Variants in VAT1L observed in about 807,000 individuals in gnomAD.
VAT1L encodes the protein putative NADPH-dependent quinone oxidoreductase VAT1L.
In VAT1L, 34 loss-of-function variants were observed where a neutral mutation model predicts 44.1. The ratio of observed to expected loss-of-function variants is 0.77; its 90% CI spans 0.59 to 1.03. The LOEUF is 1.03. Ranked by LOEUF, VAT1L falls within the 50% of genes least tolerant of loss-of-function variation. The pLI is 0.00. For missense variants in VAT1L, 615 were observed against 538.8 expected (o/e 1.14, Z -1.40); for synonymous variants, 253 against 202.2 (o/e 1.25, Z -2.13).
At chr16:77,874,972 C>T (rs1294247611) in intron 4 of VAT1L, among the ~76,000 whole-genome samples, 1 of 152,030 alleles carries the variant, frequency 6.6e-6, no homozygotes. Context: ...AAATCCCCAC[C>T]ACAGACCTAC....
chr16:77,845,698 C>G (rs1443865510), intron 3 of VAT1L, among the ~76,000 whole-genome samples: 4 of 151,694 alleles, frequency 2.6e-5, no homozygotes, highest in Non-Finnish European at 5.9e-5. Flanking sequence ...CCATGTAATT[C>G]TGCACTGTCC....
At chr16:77,811,291 T>G (rs1024354487) in intron 1 of VAT1L, among the ~76,000 whole-genome samples, 3 of 152,226 alleles carry the variant, frequency 2.0e-5, no homozygotes, top group South Asian at 2.1e-4. Context: ...AACTCCTTCT[T>G]TTGAGTCACT....
At chr16:77,972,180 T>C (rs1438556651) in intron 8 of VAT1L, among the ~76,000 whole-genome samples, 1 of 152,148 alleles carries the variant, frequency 6.6e-6, no homozygotes, top group African/African-American at 2.4e-5. Context: ...CAGGAAAGCA[T>C]AGCAACAACA....
chr16:77,824,513 T>C (rs1198657795), intron 2 of VAT1L, among the ~76,000 whole-genome samples: 2 of 152,082 alleles, frequency 1.3e-5, no homozygotes, highest in Non-Finnish European at 2.9e-5. Context: ...CCCAGCACTT[T>C]GGGAGGTCGA....
At chr16:77,948,540 A>T (rs444035) in intron 7 of VAT1L, among the ~76,000 whole-genome samples, 41,047 of 151,932 alleles carry the variant, frequency 0.27, 6,006 homozygotes, top group Middle Eastern at 0.38. Flanking sequence ...TTTTTGGAAA[A>T]TTTCAAACAT....
At chr16:77,976,733 T>C (rs1029696081) in intron 8 of VAT1L, among the ~76,000 whole-genome samples, 1 of 152,204 alleles carries the variant, frequency 6.6e-6, no homozygotes, top group Non-Finnish European at 1.5e-5. Context: ...TTTCACCTGG[T>C]TCTTAAAACA....
chr16:77,962,254 G>A (rs1049993310), intron 7 of VAT1L, among the ~76,000 whole-genome samples: 2 of 152,088 alleles, frequency 1.3e-5, no homozygotes, highest in Non-Finnish European at 2.9e-5. Flanking sequence ...CCCATGTAGT[G>A]GGAAAAAGTC....
At chr16:77,892,710 T>C in intron 7 of VAT1L, 1 of 736,066 alleles carries the variant, frequency 1.4e-6, no homozygotes, top group Middle Eastern at 2.5e-4. Context: ...GGTCCTGGCA[T>C]CTGTTCCATG....
At chr16:77,837,233 G>C (rs963233141) in intron 3 of VAT1L, among the ~76,000 whole-genome samples, 1 of 152,178 alleles carries the variant, frequency 6.6e-6, no homozygotes, top group Non-Finnish European at 1.5e-5. Flanking sequence ...CCCAGGAGCT[G>C]AGGAAGAGGG....
intron 3 of VAT1L, among the ~76,000 whole-genome samples, chr16:77,859,006 A>T (rs539629365): frequency 6.3e-4 from 96 of 152,158 alleles, no homozygotes; most frequent in Middle Eastern, 6.8e-3. Context: ...ATGGTGGCAC[A>T]TGCCTGTAAT....
intron 7 of VAT1L, among the ~76,000 whole-genome samples, chr16:77,922,532 T>TGGGCA (rs2017623054): frequency 6.6e-6 from 1 of 152,162 alleles, no homozygotes; most frequent in Non-Finnish European, 1.5e-5. Context: ...TGTCAGCGGC[T>TGGGCA]TGTCACAGCT....
At chr16:77,943,228 TG>T (rs2017912515) in intron 7 of VAT1L, among the ~76,000 whole-genome samples, 4 of 149,894 alleles carry the variant, frequency 2.7e-5, no homozygotes, top group Admixed American at 2.7e-4. Context: ...AGCTAATTTT[TG>T]TATTTTTAGT....
chr16:77,940,151 G>T (rs1287815653), intron 7 of VAT1L, among the ~76,000 whole-genome samples: 1 of 152,082 alleles, frequency 6.6e-6, no homozygotes, highest in African/African-American at 2.4e-5. Flanking sequence ...GCTAGTGAAT[G>T]TTTTAACAAG....
At chr16:77,816,291 T>C (rs1567475029) in intron 1 of VAT1L, among the ~76,000 whole-genome samples, 1 of 152,198 alleles carries the variant, frequency 6.6e-6, no homozygotes, top group Admixed American at 6.5e-5. Flanking sequence ...CCCATATCTA[T>C]TGGGGCATTC....
At chr16:77,945,390 G>C (rs2017948911) in intron 7 of VAT1L, among the ~76,000 whole-genome samples, 1 of 147,462 alleles carries the variant, frequency 6.8e-6, no homozygotes, top group Non-Finnish European at 1.5e-5. Context: ...AGGCTCAAGT[G>C]ATCTTACCAC....
chr16:77,866,902 C>T (rs749027995), intron 4 of VAT1L, among the ~76,000 whole-genome samples: 8 of 152,108 alleles, frequency 5.3e-5, no homozygotes, highest in South Asian at 4.1e-4. Context: ...AGAGAGAGCA[C>T]GTCAAGATGG....
At chr16:77,857,621 GTGT>G (rs1179638134) in intron 3 of VAT1L, among the ~76,000 whole-genome samples, 1 of 150,376 alleles carries the variant, frequency 6.6e-6, no homozygotes, top group Admixed American at 6.7e-5. Flanking sequence ...AATCTTAATT[GTGT>G]TATTAGTAAT....
chr16:77,844,543 G>C (rs1031713569), intron 3 of VAT1L, among the ~76,000 whole-genome samples: 3 of 152,078 alleles, frequency 2.0e-5, no homozygotes, highest in Non-Finnish European at 4.4e-5. Context: ...CAAGTAGGTG[G>C]GACTACAGGT....
intron 1 of VAT1L, among the ~76,000 whole-genome samples, chr16:77,795,483 T>G (rs1433465260): frequency 6.6e-6 from 1 of 152,194 alleles, no homozygotes; most frequent in African/African-American, 2.4e-5. Context: ...ACTGTTGTCA[T>G]ACTTCTGATG....
Sources: allele counts gnomAD v4.1 joint callset (sites outside exome capture counted in the v4.1 genomes callset), GRCh38; gene constraint gnomAD v4.1.1; transcripts MANE v1.5; gene names NCBI Gene and HGNC (gene_info 2026-07-23, HGNC 2026-07-21).